ANO6: variants seen among roughly 807,000 people sequenced by gnomAD.
The protein encoded by ANO6 is anoctamin-6.
ANO6 carries 106 observed loss-of-function variants against 117.5 expected under a neutral mutation model. That is an observed-to-expected ratio of 0.90 (90% CI 0.77 to 1.06). ANO6 has a LOEUF of 1.06. ANO6 is among the 50% of genes least tolerant of loss of function. The pLI is 0.00. For missense variants in ANO6, 955 were observed against 1,121.1 expected (o/e 0.85, Z 2.12); for synonymous variants, 367 against 385.1 (o/e 0.95, Z 0.55).
At chr12:45,330,320 G>A (rs1373811295) in intron 2 of ANO6, among the ~76,000 whole-genome samples, 1 of 152,140 alleles carries the variant, frequency 6.6e-6, no homozygotes, top group Non-Finnish European at 1.5e-5. Flanking sequence ...TAGCTTCTGT[G>A]CTAATCGATA....
chr12:45,422,708 C>T (rs1227118564), intron 18 of ANO6, among the ~76,000 whole-genome samples: 7 of 151,838 alleles, frequency 4.6e-5, no homozygotes, highest in Non-Finnish European at 8.8e-5. Context: ...CAAATAGCTG[C>T]GATTACAAGC....
intron 1 of ANO6, among the ~76,000 whole-genome samples, chr12:45,297,849 A>G (rs1380177464): frequency 1.3e-5 from 2 of 152,184 alleles, no homozygotes; most frequent in African/African-American, 2.4e-5. Context: ...TAGTAATCCA[A>G]TTGATAGTAT....
At chr12:45,232,545 G>A (rs1196040601) in intron 1 of ANO6, among the ~76,000 whole-genome samples, 2 of 152,098 alleles carry the variant, frequency 1.3e-5, no homozygotes, top group Non-Finnish European at 2.9e-5. Context: ...AAATAACATG[G>A]CCTTAGATTA....
At chr12:45,357,487 T>C in intron 8 of ANO6, 63 bp downstream of exon 8, 1 of 1,596,858 alleles carries the variant, frequency 6.3e-7, no homozygotes, top group East Asian at 2.2e-5. Context: ...ATTATTTTCA[T>C]GGTCTTAAAC....
intron 1 of ANO6, among the ~76,000 whole-genome samples, chr12:45,269,966 T>C (rs2137231188): frequency 6.6e-6 from 1 of 152,346 alleles, no homozygotes; most frequent in East Asian, 1.9e-4. Context: ...ACTTTGAAAT[T>C]ACTGATGCCT....
chr12:45,317,113 G>GTGTGTGTATATATATATATATA, intron 2 of ANO6, among the ~76,000 whole-genome samples: 14,840 of 65,658 alleles, frequency 0.23, 5,768 homozygotes, highest in Non-Finnish European at 0.38. Context: ...CTTTTTATAT[G>GTGTGTGTATATATATATATATA]TATATATATA....
chr12:45,282,998 T>C (rs955063590), intron 1 of ANO6, among the ~76,000 whole-genome samples: 1 of 152,218 alleles, frequency 6.6e-6, no homozygotes, highest in Admixed American at 6.5e-5. Context: ...TTGTTCTGTA[T>C]ATTATAGACA....
chr12:45,334,217 A>C (rs1005825060), intron 3 of ANO6, among the ~76,000 whole-genome samples: 2 of 152,126 alleles, frequency 1.3e-5, no homozygotes, highest in African/African-American at 2.4e-5. Flanking sequence ...ACGCTCGTTT[A>C]GTCTGTACTG....
In ANO6 at chr12:45,353,093, A is replaced by C. The variant is rs189588867; in HGVS notation, c.863+2319A>C. Among the ~76,000 whole-genome samples, 336 of 145,036 alleles carry C rather than the reference A, an allele frequency of 2.3e-3. 1 individual carries two copies. Among genetic ancestry groups the C allele is most frequent in the Non-Finnish European group, 3.8e-3 (261 of 67,998 alleles). On this transcript the variant is annotated intron_variant, in intron 7 of 19. Coordinates refer to ENST00000320560, the MANE Select transcript of ANO6 (RefSeq NM_001025356.3). ...ATCTGATTGAGGTTAGATTTTATAC[A>C]AGAATACGTGATACGTGGAGTTGAG... is the stretch of plus-strand genomic sequence containing the variant.
At chr12:45,427,104 T>C (rs553203378) in intron 19 of ANO6, among the ~76,000 whole-genome samples, 2 of 152,108 alleles carry the variant, frequency 1.3e-5, no homozygotes, top group Non-Finnish European at 2.9e-5. Context: ...CAGGCCAGAA[T>C]CCTTGGAACC....
At chr12:45,241,664 C>T (rs1947746464) in intron 1 of ANO6, among the ~76,000 whole-genome samples, 1 of 152,226 alleles carries the variant, frequency 6.6e-6, no homozygotes, top group South Asian at 2.1e-4. Flanking sequence ...CTTTTCTGCT[C>T]TGGTTTCTTC....
At chr12:45,369,068 A>G (rs1941757619) in intron 9 of ANO6, among the ~76,000 whole-genome samples, 2 of 152,224 alleles carry the variant, frequency 1.3e-5, no homozygotes, top group South Asian at 2.1e-4. Context: ...ACTCAGATCC[A>G]GCTCTGTTTG....
At chr12:45,347,617 CATA>C in intron 4 of ANO6, 1 of 189,638 alleles carries the variant, frequency 5.3e-6, no homozygotes. Context: ...TTAACAGCCA[CATA>C]ATATGATATT....
chr12:45,358,796 T>C (rs912727946), intron 8 of ANO6, among the ~76,000 whole-genome samples: 2 of 152,070 alleles, frequency 1.3e-5, no homozygotes, highest in African/African-American at 4.8e-5. Context: ...TTTTTTTTTT[T>C]TGGTGGTGGG....
intron 2 of ANO6, among the ~76,000 whole-genome samples, chr12:45,302,765 A>T (rs1460528312): frequency 1.3e-5 from 2 of 152,152 alleles, no homozygotes; most frequent in Non-Finnish European, 2.9e-5. Context: ...CATTAGGCTC[A>T]TTTGGAGGGC....
At chr12:45,370,605 T>A (rs1226088946) in intron 9 of ANO6, among the ~76,000 whole-genome samples, 1 of 152,216 alleles carries the variant, frequency 6.6e-6, no homozygotes, top group African/African-American at 2.4e-5. Context: ...GAATCTTCAA[T>A]AATAGTATTA....
At chr12:45,222,227 A>G (rs1947413511) in intron 1 of ANO6, among the ~76,000 whole-genome samples, 1 of 149,850 alleles carries the variant, frequency 6.7e-6, no homozygotes, top group African/African-American at 2.5e-5. Flanking sequence ...ATGGCTCAAT[A>G]TCAGCTCACT....
At chr12:45,283,581 T>C (rs935206865) in intron 1 of ANO6, among the ~76,000 whole-genome samples, 2 of 152,266 alleles carry the variant, frequency 1.3e-5, no homozygotes, top group African/African-American at 4.8e-5. Flanking sequence ...TATAATTTAA[T>C]GTTTCCATGT....
At chr12:45,287,860 C>T (rs1192744927) in intron 1 of ANO6, among the ~76,000 whole-genome samples, 1 of 152,192 alleles carries the variant, frequency 6.6e-6, no homozygotes, top group Non-Finnish European at 1.5e-5. Context: ...CACCTGACAT[C>T]CCACTACTCC....
Sources: gnomAD v4.1 joint callset for allele counts (sites outside exome capture counted in the v4.1 genomes callset) on GRCh38, gnomAD v4.1.1 for gene constraint, MANE v1.5 for transcripts, NCBI Gene and HGNC (gene_info 2026-07-23, HGNC 2026-07-21) for gene names.